Variants in TRIM2 observed in about 807,000 individuals in gnomAD.
The protein encoded by TRIM2 is tripartite motif containing 2.
In TRIM2, 20 loss-of-function variants were observed where a neutral mutation model predicts 75.2. That is an observed-to-expected ratio of 0.27 (90% CI 0.19 to 0.39). The LOEUF (loss-of-function observed/expected upper bound fraction) is 0.39. TRIM2 is among the 10% of genes least tolerant of loss of function. TRIM2 has a pLI of 1.00. For missense variants in TRIM2, 660 were observed against 990.8 expected (o/e 0.67, Z 4.48); for synonymous variants, 373 against 388.3 (o/e 0.96, Z 0.46).
At chr4:153,196,438 T>TA (rs1192048279) in intron 1 of TRIM2, among the ~76,000 whole-genome samples, 1 of 152,106 alleles carries the variant, frequency 6.6e-6, no homozygotes, top group African/African-American at 2.4e-5. Context: ...CCCTGTCTCT[T>TA]AAAAAATCAT....
At chr4:153,175,788 T>C (rs1464311716) in intron 1 of TRIM2, among the ~76,000 whole-genome samples, 2 of 152,210 alleles carry the variant, frequency 1.3e-5, no homozygotes, top group Non-Finnish European at 2.9e-5. Context: ...AGTTGGAATA[T>C]GGACTATAGA....
At chr4:153,284,053 T>C (rs1403931362) in intron 3 of TRIM2, among the ~76,000 whole-genome samples, 3 of 150,542 alleles carry the variant, frequency 2.0e-5, no homozygotes, top group Non-Finnish European at 4.4e-5. Flanking sequence ...TATTTTTTTT[T>C]TTTTAAGTAG....
chr4:153,284,663 C>T (rs757325724), intron 3 of TRIM2, among the ~76,000 whole-genome samples: 13 of 152,182 alleles, frequency 8.5e-5, no homozygotes, highest in Admixed American at 1.3e-4. Flanking sequence ...TATCTTGTTG[C>T]GGTTTTGATT....
Position 153,204,481 on chromosome 4 carries a change from G to C in TRIM2, c.-50G>C. The C allele has an allele frequency of 6.5e-7, 1 of 1,550,128 alleles. No homozygotes were observed. Among genetic ancestry groups the C allele is most frequent in the Non-Finnish European group, 8.7e-7 (1 of 1,145,624 alleles). On this transcript the variant is annotated 5_prime_UTR_variant, in exon 1 of 12. Transcript: ENST00000338700. ...CTATAATGGGCCCAGTTGTCTGCGG[G>C]CTGCGGGGAGCTAAGTCCCCAGATT...
chr4:153,169,907 C>T (rs539920388), intron 1 of TRIM2, among the ~76,000 whole-genome samples: 15 of 152,212 alleles, frequency 9.9e-5, no homozygotes, highest in South Asian at 2.1e-4. Context: ...GAGTGAGGCG[C>T]GTGTCTCTCC....
At position 153,286,733 on chromosome 4, in the gene TRIM2, C is replaced by A. The variant is rs982854725; in HGVS notation, c.454-6249C>A. ...CTTCTTTCTCTCTTCTCCCACACCA[C>A]CCCTGCCACACACACACACCCACCA... On this transcript the variant is annotated intron_variant, in intron 3 of 11. Transcript: ENST00000338700. Among the ~76,000 whole-genome samples the A allele has an allele frequency of 4.0e-5, 6 of 151,830 alleles. No individual in the cohort carries two copies. In the East Asian group the frequency reaches 1.2e-3, roughly 29 times the overall value.
At chr4:153,179,252 A>G (rs902336223) in intron 1 of TRIM2, among the ~76,000 whole-genome samples, 1 of 150,266 alleles carries the variant, frequency 6.7e-6, no homozygotes, top group Admixed American at 6.6e-5. Flanking sequence ...ATGTTAAGTA[A>G]ATACCTACTT....
At chr4:153,186,772 A>G (rs1455446449) in intron 1 of TRIM2, among the ~76,000 whole-genome samples, 1 of 152,134 alleles carries the variant, frequency 6.6e-6, no homozygotes, top group African/African-American at 2.4e-5. Flanking sequence ...TGTTCATATC[A>G]AAAAAAGCCT....
chr4:153,315,503 A>G lies in TRIM2; in HGVS notation c.1529A>G (p.Lys510Arg), dbSNP rs771095611. Residue 510 changes from lysine to arginine, a missense_variant, in exon 7 of 12, where the codon AAA becomes AGA. Lys to Arg is a conservative substitution (Grantham distance 26). This residue lies in a region of TRIM2 where 620 missense variants were observed against 891.0 expected (regional missense o/e 0.70). Coordinates refer to ENST00000338700, the MANE Select transcript of TRIM2 (RefSeq NM_015271.5). ...ATTTTAGGTACCAAAGGAAGAAATA[A>G]AGGAGAGTTTACAAATCTTCAGGGG... ...IFRVGTKGRN[K>R]GEFTNLQGVA... 17 of 1,604,404 alleles carry G rather than the reference A, an allele frequency of 1.1e-5. No individual in the cohort carries two copies. The South Asian group carries it at 1.8e-4, about 17-fold the overall frequency.
intron 1 of TRIM2, among the ~76,000 whole-genome samples, chr4:153,207,500 G>A (rs1312766798): frequency 6.6e-6 from 1 of 152,224 alleles, no homozygotes; most frequent in Non-Finnish European, 1.5e-5. Flanking sequence ...TTCACTGGAT[G>A]ATTGTGAGGT....
chr4:153,244,343 T>TTCTTCC (rs1748025760), intron 1 of TRIM2, among the ~76,000 whole-genome samples: 1 of 31,874 alleles, frequency 3.1e-5, no homozygotes, highest in Non-Finnish European at 5.0e-5. Context: ...CTTCTTCTTC[T>TTCTTCC]TCTTCTTCTT....
chr4:153,189,118 T>C (rs1284430985), intron 1 of TRIM2, among the ~76,000 whole-genome samples: 6 of 152,164 alleles, frequency 3.9e-5, no homozygotes, highest in Non-Finnish European at 8.8e-5. Context: ...CCCAAAATGC[T>C]ATAATCACAG....
intron 1 of TRIM2, among the ~76,000 whole-genome samples, chr4:153,231,578 T>C (rs1018296212): frequency 4.0e-4 from 61 of 152,008 alleles, no homozygotes; most frequent in African/African-American, 1.3e-3. Flanking sequence ...GTCGTGGGCA[T>C]TGAGGTGAAA....
Position 153,335,895 on chromosome 4 carries a change from C to T in TRIM2, c.*929C>T. Reference sequence around the variant, plus strand: ...AGCACATGTAGTAGGACACCAGTATCCTAGGACAGAGAGCCATAAGTAGCC... The same window carrying T: ...AGCACATGTAGTAGGACACCAGTATTCTAGGACAGAGAGCCATAAGTAGCC... On this transcript the variant is annotated 3_prime_UTR_variant, in exon 12 of 12. Coordinates refer to ENST00000338700, the MANE Select transcript of TRIM2 (RefSeq NM_015271.5). The T allele has an allele frequency of 2.0e-6, 2 of 985,822 alleles. No individual in the cohort carries two copies. Among genetic ancestry groups the T allele is most frequent in the South Asian group, 9.4e-5 (2 of 21,284 alleles). The allele number at this position is 985,822 out of a possible 1,614,324, so 61.1% of individuals were successfully genotyped here.
intron 1 of TRIM2, among the ~76,000 whole-genome samples, chr4:153,182,844 C>G (rs554956208): frequency 6.6e-6 from 1 of 152,306 alleles, no homozygotes; most frequent in South Asian, 2.1e-4. Flanking sequence ...TTCCTTTCCC[C>G]TGTCTAAGAT....
chr4:153,276,146 G>A lies in TRIM2; in HGVS notation c.453+16G>A. 2 of 1,605,342 alleles carry A rather than the reference G, an allele frequency of 1.2e-6. No homozygotes were observed. Among genetic ancestry groups the A allele is most frequent in the Admixed American group, 1.7e-5 (1 of 60,006 alleles). Reference sequence around the variant, plus strand: ...CGATGGGAATGTAAGTGGCTGGGATGGCAGATACTGCCCGGGAGCATGACT... The same window carrying A: ...CGATGGGAATGTAAGTGGCTGGGATAGCAGATACTGCCCGGGAGCATGACT... On this transcript the variant is annotated intron_variant, in intron 3 of 11. Transcript: ENST00000338700.
chr4:153,304,787 T>C (rs762229546), intron 6 of TRIM2, among the ~76,000 whole-genome samples: 12 of 152,242 alleles, frequency 7.9e-5, no homozygotes, highest in Non-Finnish European at 1.6e-4. Context: ...ATCTGCATTC[T>C]GCAAGCTCCA....
Position 153,248,646 on chromosome 4 carries a change from A to G in TRIM2, c.31-21689A>G, listed in dbSNP as rs1661102803. On this transcript the variant is annotated intron_variant, in intron 1 of 11. Transcript: ENST00000338700. The surrounding 1 kb of genome is among the most constrained non-coding windows in gnomAD (Gnocchi z 4.0). ...CAACCTGCAGATAAAGCAAATCCAG[A>G]TATGTCTCCAGAGCCCGTGCCTTAA... Among the ~76,000 whole-genome samples, 1 of 152,240 alleles carries G rather than the reference A, an allele frequency of 6.6e-6. No homozygotes were observed. Among genetic ancestry groups the G allele is most frequent in the African/African-American group, 2.4e-5 (1 of 41,462 alleles).
rs150618444 is a variant in TRIM2 at position 153,317,324 on chromosome 4, A to G, written c.1782+1325A>G. 3.2e-3 allele frequency among the ~76,000 whole-genome samples: 492 copies of G among 151,926 alleles called. 1 individual carries two copies. The highest frequency in any genetic ancestry group is 0.011 in the African/African-American group (452 of 41,416). On this transcript the variant is annotated intron_variant, in intron 8 of 11. Coordinates refer to ENST00000338700, the MANE Select transcript of TRIM2 (RefSeq NM_015271.5). The stretch of plus-strand genomic sequence containing the variant: ...GCAAATCGTAACTTCCTTGAGCTTC[A>G]ATAGCCTTGTTTTTAAAATTTTGAT...
Sources: allele counts gnomAD v4.1 joint callset (sites outside exome capture counted in the v4.1 genomes callset), GRCh38; gene constraint gnomAD v4.1.1; regional missense constraint gnomAD v4.1.1; non-coding constraint Gnocchi (gnomAD v3.1); transcripts MANE v1.5; gene names NCBI Gene and HGNC (gene_info 2026-07-23, HGNC 2026-07-21).